The following ZNF722 variants were observed in gnomAD, a reference collection of about 807,000 sequenced individuals.
ZNF722 encodes zinc finger protein 722.
chr7:64,017,294 G>T, the ZNF722 span, among the ~76,000 whole-genome samples: 2 of 152,120 alleles, frequency 1.3e-5, no homozygotes, highest in Non-Finnish European at 2.9e-5. Flanking sequence ...TGAGGCAGGC[G>T]AATTGCTTGA....
At chr7:64,007,433 G>C in the ZNF722 span, among the ~76,000 whole-genome samples, 1 of 151,730 alleles carries the variant, frequency 6.6e-6, no homozygotes, top group African/African-American at 2.4e-5. Flanking sequence ...GATGTTCCCC[G>C]CCCTGTGTCC....
the ZNF722 span, among the ~76,000 whole-genome samples, chr7:64,010,705 A>G: frequency 6.6e-6 from 1 of 152,198 alleles, no homozygotes; most frequent in Admixed American, 6.5e-5. Context: ...TGGTACTGAG[A>G]AGAATGTACA....
the ZNF722 span, among the ~76,000 whole-genome samples, chr7:64,004,456 A>ATATATATATATATATATATAT: frequency 1.4e-5 from 2 of 140,220 alleles, no homozygotes; most frequent in Admixed American, 7.2e-5. Flanking sequence ...ATATATATAT[A>ATATATATATATATATATATAT]AAATTAAATT....
the ZNF722 span, chr7:63,999,019 A>T: frequency 1.3e-6 from 2 of 1,575,554 alleles, no homozygotes; most frequent in Admixed American, 3.3e-5. Context: ...TGGGTCTGTC[A>T]TCGTGAGAGG....
the ZNF722 span, chr7:64,015,595 C>T: frequency 1.2e-6 from 2 of 1,613,688 alleles, no homozygotes; most frequent in East Asian, 2.2e-5. Flanking sequence ...TGTGGCCAAG[C>T]TTTTAGGCGC....
the ZNF722 span, chr7:64,015,180 A>AGTGC: frequency 7.5e-7 from 1 of 1,335,302 alleles, no homozygotes; most frequent in African/African-American, 1.4e-5. Context: ...TGAGGTGCAC[A>AGTGC]AAGGAGGTTA....
At chr7:64,015,343 C>CATTTT in the ZNF722 span, 1 of 1,397,628 alleles carries the variant, frequency 7.2e-7, no homozygotes, top group Non-Finnish European at 1.0e-6. Context: ...TATGGCAAAT[C>CATTTT]GTTTTGCATG....
the ZNF722 span, among the ~76,000 whole-genome samples, chr7:64,010,742 T>C: frequency 6.6e-6 from 1 of 152,218 alleles, no homozygotes; most frequent in Non-Finnish European, 1.5e-5. Context: ...TGGAGAGTTC[T>C]GTAGATGTCT....
chr7:64,015,001 G>A, the ZNF722 span: 1 of 1,264,366 alleles, frequency 7.9e-7, no homozygotes, highest in South Asian at 1.3e-5. Context: ...AGTAAGTGGA[G>A]TAACTTGTGA....
At chr7:64,009,257 C>G in the ZNF722 span, among the ~76,000 whole-genome samples, 1 of 152,056 alleles carries the variant, frequency 6.6e-6, no homozygotes, top group South Asian at 2.1e-4. Context: ...GCCTGATTGC[C>G]CTGGCCAGAA....
chr7:64,005,597 T>G, the ZNF722 span: 1 of 1,040,182 alleles, frequency 9.6e-7, no homozygotes, highest in South Asian at 1.3e-5. Context: ...TTGTTTTTGT[T>G]TTTGTTTTTT....
At chr7:64,014,464 A>G in the ZNF722 span, among the ~76,000 whole-genome samples, 4 of 152,232 alleles carry the variant, frequency 2.6e-5, no homozygotes, top group South Asian at 8.3e-4. Flanking sequence ...CACAATCTTT[A>G]TAATGCAGCT....
chr7:64,004,362 TTG>T, the ZNF722 span, among the ~76,000 whole-genome samples: 1 of 140,430 alleles, frequency 7.1e-6, no homozygotes, highest in African/African-American at 2.7e-5. Context: ...TGAGATGAGA[TTG>T]CACCACTGCA....
chr7:64,002,465 A>G, the ZNF722 span, among the ~76,000 whole-genome samples: 1 of 152,198 alleles, frequency 6.6e-6, no homozygotes, highest in Non-Finnish European at 1.5e-5. Context: ...TTATTTACAA[A>G]TAGCCATTTC....
the ZNF722 span, among the ~76,000 whole-genome samples, chr7:64,014,502 G>A: frequency 6.6e-6 from 1 of 152,120 alleles, no homozygotes; most frequent in Non-Finnish European, 1.5e-5. Flanking sequence ...GAAACCAATT[G>A]TATTGGGTAG....
At chr7:64,003,506 T>C in the ZNF722 span, among the ~76,000 whole-genome samples, 1 of 152,200 alleles carries the variant, frequency 6.6e-6, no homozygotes. Flanking sequence ...CACTTTTTCT[T>C]GGTGAACATG....
the ZNF722 span, among the ~76,000 whole-genome samples, chr7:64,004,410 T>TAAAAAAA: frequency 2.4e-3 from 84 of 35,222 alleles, 3 homozygotes; most frequent in African/African-American, 5.4e-3. Flanking sequence ...CTCTGTCTCT[T>TAAAAAAA]AAAAAAAAAA....
At chr7:64,006,772 A>T in the ZNF722 span, among the ~76,000 whole-genome samples, 5 of 151,950 alleles carry the variant, frequency 3.3e-5, no homozygotes, top group Middle Eastern at 3.2e-3. Context: ...TTATTACTAT[A>T]GCCTTGAAAT....
At chr7:64,015,420 G>T in the ZNF722 span, 1 of 1,579,928 alleles carries the variant, frequency 6.3e-7, no homozygotes, top group Non-Finnish European at 8.7e-7. Flanking sequence ...TGAAGAATGC[G>T]GCAAATCCTT....
Sources: gnomAD v4.1 joint callset for allele counts (sites outside exome capture counted in the v4.1 genomes callset) on GRCh38, gnomAD v4.1.1 for gene constraint, MANE v1.5 for transcripts, NCBI Gene and HGNC (gene_info 2026-07-23, HGNC 2026-07-21) for gene names.